PGM5: variants seen among roughly 807,000 people sequenced by gnomAD.
PGM5 encodes the protein phosphoglucomutase-like protein 5.
Under a neutral mutation model 59.2 loss-of-function variants are expected in PGM5, and 23 were observed. The observed-to-expected ratio is 0.39, with a 90% CI of 0.28 to 0.55. PGM5 has a LOEUF of 0.55. Ranked by LOEUF, PGM5 falls within the 20% of genes least tolerant of loss-of-function variation. The pLI, the probability that PGM5 is intolerant of heterozygous loss-of-function variation, is 0.66. For missense variants in PGM5, 574 were observed against 748.3 expected, an observed-to-expected ratio of 0.77 and a Z score of 2.72; for synonymous variants, 214 against 286.0, an observed-to-expected ratio of 0.75 and a Z score of 2.54.
At chr9:68,403,363 T>C (rs1310901606) in intron 6 of PGM5, among the ~76,000 whole-genome samples, 6 of 152,200 alleles carry the variant, frequency 3.9e-5, no homozygotes, top group Non-Finnish European at 5.9e-5. Flanking sequence ...TATAATTATT[T>C]CAGTATATAT....
chr9:68,479,322 C>A, intron 7 of PGM5, 96 bp from the exon 8 acceptor site: 11 of 1,119,594 alleles, frequency 9.8e-6, no homozygotes, highest in Non-Finnish European at 1.4e-5. Context: ...ATCATTTCTA[C>A]ATAACATTCA....
chr9:68,494,205 T>C (rs1206339510), intron 9 of PGM5, among the ~76,000 whole-genome samples: 2 of 152,050 alleles, frequency 1.3e-5, no homozygotes, highest in Non-Finnish European at 2.9e-5. Context: ...CTCCAGGAAT[T>C]CCTACGAAGA....
At chr9:68,522,295 C>T (rs1484570491) in intron 10 of PGM5, among the ~76,000 whole-genome samples, 3 of 152,110 alleles carry the variant, frequency 2.0e-5, no homozygotes, top group East Asian at 3.9e-4. Flanking sequence ...AGCAGACTCA[C>T]GCAAGCTCCG....
At chr9:68,442,566 T>C (rs1823546802) in intron 6 of PGM5, among the ~76,000 whole-genome samples, 1 of 152,186 alleles carries the variant, frequency 6.6e-6, no homozygotes, top group South Asian at 2.1e-4. Context: ...CAGAAAGCAA[T>C]GTGTTATTAG....
At chr9:68,362,697 A>T (rs1297979757) in intron 1 of PGM5, among the ~76,000 whole-genome samples, 2 of 152,026 alleles carry the variant, frequency 1.3e-5, no homozygotes, top group African/African-American at 4.8e-5. Flanking sequence ...CTAAAATACA[A>T]CACAATGACT....
chr9:68,383,180 T>G (rs1400789640), intron 2 of PGM5, among the ~76,000 whole-genome samples: 1 of 151,866 alleles, frequency 6.6e-6, no homozygotes, highest in Admixed American at 6.6e-5. Flanking sequence ...TTGCTATTCT[T>G]TTTTATGAGC....
rs141668530 is a variant in PGM5, at chr9:68,465,173, G to A, written c.1124G>A (p.Arg375His). 38 of 1,613,002 alleles carry A rather than the reference G, an allele frequency of 2.4e-5. No individual in the cohort carries two copies. The highest frequency in any genetic ancestry group is 2.8e-5 in the Non-Finnish European group (33 of 1,179,164). Residue 375 changes from arginine (R) to histidine (H), a missense_variant, in exon 7 of 11, where the codon CGT (arginine) becomes CAT (histidine). Physicochemically the swap from Arg to His is conservative, Grantham distance 29. This residue lies in a region of PGM5 where 300 missense variants were observed against 280.0 expected (regional missense o/e 1.07). Transcript: ENST00000396396. ...TTCTCAAATCTGATGGACTCAGGAC[G>A]TTGCAATCTGTGTGGGGAAGAGAGC... ...RFFSNLMDSG[R>H]CNLCGEESFG...
chr9:68,383,837 G>C (rs1822144958), intron 2 of PGM5, among the ~76,000 whole-genome samples: 1 of 151,158 alleles, frequency 6.6e-6, no homozygotes, highest in Non-Finnish European at 1.5e-5. Flanking sequence ...TGTCAATTTG[G>C]TCTTCCGAGG....
intron 1 of PGM5, among the ~76,000 whole-genome samples, chr9:68,374,722 T>A (rs1554677419): frequency 6.6e-6 from 1 of 152,180 alleles, no homozygotes; most frequent in East Asian, 1.9e-4. Flanking sequence ...CGTTCATCAT[T>A]CATTTATTTT....
At chr9:68,473,867 A>C (rs1203256012) in intron 7 of PGM5, among the ~76,000 whole-genome samples, 1 of 152,188 alleles carries the variant, frequency 6.6e-6, no homozygotes, top group Non-Finnish European at 1.5e-5. Context: ...TTGATACTGA[A>C]GCTGACTCCA....
At chr9:68,526,558 C>T (rs79263805) in intron 10 of PGM5, among the ~76,000 whole-genome samples, 3,078 of 152,228 alleles carry the variant, frequency 0.02, 44 homozygotes, top group Non-Finnish European at 0.03. Context: ...TTGATTTTGG[C>T]CCAAGACCTG....
intron 6 of PGM5, chr9:68,396,279 A>C (rs1822499249): frequency 6.6e-6 from 1 of 152,216 alleles, no homozygotes; most frequent in East Asian, 1.9e-4. Flanking sequence ...TTAGAAATTG[A>C]CTCAGGATTT....
intron 6 of PGM5, among the ~76,000 whole-genome samples, chr9:68,423,592 A>G (rs782422242): frequency 6.6e-6 from 1 of 151,654 alleles, no homozygotes; most frequent in Non-Finnish European, 1.5e-5. Flanking sequence ...CTTCCCCTGG[A>G]ATGGCAGCCT....
At chr9:68,497,602 T>A (rs1399123528) in intron 9 of PGM5, 1 of 152,226 alleles carries the variant, frequency 6.6e-6, no homozygotes, top group Non-Finnish European at 1.5e-5. Flanking sequence ...TGCAGTCACA[T>A]ATGCAGCAGG....
At chr9:68,442,494 C>T (rs1250400831) in intron 6 of PGM5, among the ~76,000 whole-genome samples, 2 of 152,156 alleles carry the variant, frequency 1.3e-5, no homozygotes, top group Non-Finnish European at 2.9e-5. Flanking sequence ...AACTCCTGAC[C>T]TCAGGTGATC....
At chr9:68,501,696 A>G (rs1824577584) in intron 10 of PGM5, among the ~76,000 whole-genome samples, 1 of 152,178 alleles carries the variant, frequency 6.6e-6, no homozygotes, top group Non-Finnish European at 1.5e-5. Flanking sequence ...TCTTGTTCCA[A>G]TTCAACAGGT....
chr9:68,392,676 G>A (rs1460537173), intron 6 of PGM5, among the ~76,000 whole-genome samples: 1 of 152,080 alleles, frequency 6.6e-6, no homozygotes, highest in Non-Finnish European at 1.5e-5. Flanking sequence ...CTAGCTGTGG[G>A]AATTTAGACT....
intron 9 of PGM5, among the ~76,000 whole-genome samples, chr9:68,493,972 A>G (rs1186693093): frequency 6.6e-6 from 1 of 152,242 alleles, no homozygotes; most frequent in African/African-American, 2.4e-5. Context: ...TGTCATCATT[A>G]AAGCTCACAA....
At chr9:68,501,086 C>T (rs1554688629) in intron 10 of PGM5, among the ~76,000 whole-genome samples, 1 of 152,102 alleles carries the variant, frequency 6.6e-6, no homozygotes, top group Admixed American at 6.5e-5. Context: ...GCACATTTCT[C>T]ATCCTGTTGG....
Sources: gnomAD v4.1 joint callset for allele counts (sites outside exome capture counted in the v4.1 genomes callset) on GRCh38, gnomAD v4.1.1 for gene constraint, gnomAD v4.1.1 regional missense constraint, MANE v1.5 for transcripts, NCBI Gene and HGNC (gene_info 2026-07-23, HGNC 2026-07-21) for gene names.